RNF111: variants seen among roughly 807,000 people sequenced by gnomAD.
The protein encoded by RNF111 is ring finger protein 111.
Under a neutral mutation model 95.1 loss-of-function variants are expected in RNF111, and 17 were observed. The ratio of observed to expected loss-of-function variants is 0.18; its 90% confidence interval spans 0.12 to 0.27. The LOEUF is 0.27. Among genes scored for constraint, RNF111 ranks in the 10% least tolerant of loss-of-function variants. The pLI, the probability that RNF111 is intolerant of heterozygous loss-of-function variation, is 1.00. For synonymous variants in RNF111, 440 were observed against 414.8 expected (o/e 1.06, Z -0.74); for missense variants, 1,189 against 1,210.4 (o/e 0.98, Z 0.26).
intron 1 of RNF111, among the ~76,000 whole-genome samples, chr15:59,015,623 CT>C (rs2040028342): frequency 6.7e-6 from 1 of 149,128 alleles, no homozygotes. Flanking sequence ...TTCTCCCCTA[CT>C]AAAAAAAAAA....
chr15:59,078,081 C>T (rs1323891141), intron 7 of RNF111, among the ~76,000 whole-genome samples: 2 of 152,196 alleles, frequency 1.3e-5, no homozygotes, highest in Non-Finnish European at 2.9e-5. Flanking sequence ...GAGTTGACCT[C>T]CCAGCTCTGA....
At chr15:59,010,719 C>A (rs1385201004) in intron 1 of RNF111, among the ~76,000 whole-genome samples, 1 of 152,086 alleles carries the variant, frequency 6.6e-6, no homozygotes, top group Non-Finnish European at 1.5e-5. Flanking sequence ...CTGTTTTAAT[C>A]TTTGAAGTGT....
chr15:59,014,129 T>G (rs1239378981), intron 1 of RNF111, among the ~76,000 whole-genome samples: 1 of 152,204 alleles, frequency 6.6e-6, no homozygotes. Flanking sequence ...TACTACATTA[T>G]TTATTTTGTT....
rs1028575037 is a variant in RNF111, at chr15:59,097,078, T to G, written c.*2178T>G. 1.4e-4 allele frequency: 22 copies of G among 152,234 alleles called. No individual in the cohort carries two copies. Among genetic ancestry groups the G allele is most frequent in the African/African-American group, 5.1e-4 (21 of 41,456 alleles). The allele number at this position is 152,234 out of a possible 1,614,324, so 9.4% of individuals were successfully genotyped here. On this transcript the variant is annotated 3_prime_UTR_variant, in exon 14 of 14. Transcript: ENST00000348370. ...AAACCTGAATTGTTAATATAGGAGC[T>G]TATTAAGCTACTGCCATTAGTTATC... is the stretch of plus-strand genomic sequence containing the variant.
intron 1 of RNF111, among the ~76,000 whole-genome samples, chr15:59,001,794 A>G (rs2039335359): frequency 6.6e-6 from 1 of 152,246 alleles, no homozygotes; most frequent in Non-Finnish European, 1.5e-5. Context: ...AGAACTAAGT[A>G]CAGTAGTCCT....
intron 3 of RNF111, among the ~76,000 whole-genome samples, chr15:59,053,135 T>C (rs1186050502): frequency 6.6e-6 from 1 of 152,282 alleles, no homozygotes; most frequent in East Asian, 1.9e-4. Flanking sequence ...TCAAAACATA[T>C]GTTTTGATTC....
chr15:59,077,190 A>G (rs1257889809), intron 7 of RNF111, among the ~76,000 whole-genome samples: 1 of 152,230 alleles, frequency 6.6e-6, no homozygotes, highest in South Asian at 2.1e-4. Flanking sequence ...CTATTTTGTA[A>G]TACTTGATGG....
chr15:59,095,877 C>A lies in RNF111; in HGVS notation c.*977C>A. 2.5e-6 allele frequency: 1 copy of A among 396,318 alleles called. No individual in the cohort carries two copies. The highest frequency in any genetic ancestry group is 4.4e-6 in the Non-Finnish European group (1 of 224,772). The allele number at this position is 396,318 out of a possible 1,614,324, so 24.6% of individuals were successfully genotyped here. On this transcript the variant is annotated 3_prime_UTR_variant, in exon 14 of 14. Transcript: ENST00000348370. ...TTTAAGTCACTGGCAGGTATCTGTG[C>A]ATTCATAGAACTTATAAAGGTCCCA...
chr15:59,055,904 T>C (rs533148820), intron 4 of RNF111, 59 bp downstream of exon 4: 2 of 1,405,880 alleles, frequency 1.4e-6, no homozygotes, highest in African/African-American at 1.4e-5. Flanking sequence ...AGGAAATCTC[T>C]TAATATGCTA....
At chr15:59,063,268 T>C (rs2142048569) in intron 5 of RNF111, among the ~76,000 whole-genome samples, 1 of 152,308 alleles carries the variant, frequency 6.6e-6, no homozygotes, top group African/African-American at 2.4e-5. Flanking sequence ...GACCATACCG[T>C]AAGTTATGTT....
In RNF111 at chr15:59,095,200, C is replaced by A. The variant is rs1413726465; in HGVS notation, c.*300C>A. 7.1e-6 allele frequency: 2 copies of A among 281,490 alleles called. No homozygotes were observed. Among genetic ancestry groups the A allele is most frequent in the African/African-American group, 4.6e-5 (2 of 43,072 alleles). The allele number at this position is 281,490 out of a possible 1,614,324, so 17.4% of individuals were successfully genotyped here. ...TTATGGGCTTGTGACCCTAAACTTG[C>A]AGGCAAGGTTAGCTGCTTTAGTAAG... On this transcript the variant is annotated 3_prime_UTR_variant, in exon 14 of 14. Coordinates refer to ENST00000348370, the MANE Select transcript of RNF111 (RefSeq NM_017610.8).
chr15:59,074,610 T>C (rs1182716989), intron 6 of RNF111, among the ~76,000 whole-genome samples: 1 of 152,234 alleles, frequency 6.6e-6, no homozygotes, highest in Non-Finnish European at 1.5e-5. Context: ...TGGCTTAGGC[T>C]TTGGCTTAAG....
At chr15:59,037,346 A>G (rs768141934) in intron 2 of RNF111, among the ~76,000 whole-genome samples, 1 of 152,166 alleles carries the variant, frequency 6.6e-6, no homozygotes, top group Admixed American at 6.5e-5. Flanking sequence ...TGTTACTGCA[A>G]TATGTCAAGA....
chr15:58,991,084 G>A (rs528199609), intron 1 of RNF111, among the ~76,000 whole-genome samples: 69 of 152,028 alleles, frequency 4.5e-4, no homozygotes, highest in African/African-American at 1.1e-3. Flanking sequence ...TCATGAGGTC[G>A]GGTTCGAGAG....
chr15:59,068,032 A>G (rs2042742158), intron 6 of RNF111, among the ~76,000 whole-genome samples: 1 of 152,212 alleles, frequency 6.6e-6, no homozygotes, highest in Non-Finnish European at 1.5e-5. Flanking sequence ...GAGTAAAAGA[A>G]GTCAAGCGTT....
intron 2 of RNF111, among the ~76,000 whole-genome samples, chr15:59,042,495 A>G (rs1596176583): frequency 6.6e-6 from 1 of 152,312 alleles, no homozygotes; most frequent in African/African-American, 2.4e-5. Context: ...AATCATAATT[A>G]GGAATACTTT....
chr15:59,023,994 A>G (rs2040475611), intron 1 of RNF111, among the ~76,000 whole-genome samples: 1 of 152,216 alleles, frequency 6.6e-6, no homozygotes, highest in South Asian at 2.1e-4. Flanking sequence ...TCAGTTTACC[A>G]ATAATATATA....
chr15:59,068,451 C>T (rs1333104626), intron 6 of RNF111, among the ~76,000 whole-genome samples: 2 of 151,270 alleles, frequency 1.3e-5, no homozygotes, highest in African/African-American at 4.9e-5. Flanking sequence ...TACTAAAATA[C>T]AAAAATTAGC....
chr15:59,051,351 G>C (rs1363927246), intron 2 of RNF111, among the ~76,000 whole-genome samples: 1 of 151,954 alleles, frequency 6.6e-6, no homozygotes, highest in African/African-American at 2.4e-5. Context: ...CTAGCTACTC[G>C]GGAGGCTGAG....
Sources: gnomAD v4.1 joint callset for allele counts (sites outside exome capture counted in the v4.1 genomes callset) on GRCh38, gnomAD v4.1.1 for gene constraint, MANE v1.5 for transcripts, NCBI Gene and HGNC (gene_info 2026-07-23, HGNC 2026-07-21) for gene names.